Variants in RGSL1 observed in about 807,000 individuals in gnomAD.
The protein encoded by RGSL1 is regulator of G protein signaling protein-like.
Under a neutral mutation model 124.7 loss-of-function variants are expected in RGSL1, and 97 were observed. That is an observed-to-expected ratio of 0.78 (90% CI 0.66 to 0.92). RGSL1 has a LOEUF of 0.92. Ranked by LOEUF, RGSL1 falls within the 40% of genes least tolerant of loss-of-function variation. RGSL1 has a pLI of 0.00. For missense variants in RGSL1, 1,233 were observed against 1,288.4 expected (o/e 0.96, Z 0.66); for synonymous variants, 424 against 438.1 (o/e 0.97, Z 0.40).
chr1:182,513,899 T>TC (rs1657659987), intron 9 of RGSL1, among the ~76,000 whole-genome samples: 1 of 136,934 alleles, frequency 7.3e-6, no homozygotes, highest in Non-Finnish European at 1.5e-5. Flanking sequence ...CTCCCTATCT[T>TC]TTTTTTTTTT....
chr1:182,540,898 C>G (rs1659849838), intron 15 of RGSL1, among the ~76,000 whole-genome samples: 1 of 152,102 alleles, frequency 6.6e-6, no homozygotes, highest in Non-Finnish European at 1.5e-5. Flanking sequence ...CAAAGTCAAT[C>G]CACAATGGGA....
chr1:182,460,807 G>C (rs180737628), intron 4 of RGSL1: 2 of 442,160 alleles, frequency 4.5e-6, no homozygotes, highest in Non-Finnish European at 9.1e-6. Flanking sequence ...TGTTTGGGGG[G>C]AAACTTTAGA....
chr1:182,518,007 G>GT lies in RGSL1; in HGVS notation c.1826-3993dup, dbSNP rs551285682. Among the ~76,000 whole-genome samples, 460 of 152,088 alleles carry GT rather than the reference G, an allele frequency of 3.0e-3. 6 individuals carry two copies. The highest frequency in any genetic ancestry group is 0.027 in the Admixed American group (419 of 15,258). On this transcript the variant is annotated intron_variant, in intron 9 of 21. Coordinates refer to ENST00000294854, the MANE Select transcript of RGSL1 (RefSeq NM_001137669.2). ...CAGTCTTCTCTGTCTGGCTTGTTTT[G>GT]TTTTATATTGAATATATTTGCTTAG...
chr1:182,471,006 T>C (rs532220367), intron 4 of RGSL1, among the ~76,000 whole-genome samples: 1 of 152,312 alleles, frequency 6.6e-6, no homozygotes, highest in South Asian at 2.1e-4. Context: ...GCAAAGTCCC[T>C]GTCAGGTTGA....
At chr1:182,467,950 C>T (rs983240285) in intron 4 of RGSL1, among the ~76,000 whole-genome samples, 1 of 152,022 alleles carries the variant, frequency 6.6e-6, no homozygotes, top group Non-Finnish European at 1.5e-5. Flanking sequence ...ATCAACAAGT[C>T]GGCAAAGGCT....
intron 6 of RGSL1, among the ~76,000 whole-genome samples, chr1:182,477,113 G>C (rs956417675): frequency 1.3e-5 from 2 of 152,184 alleles, no homozygotes; most frequent in Non-Finnish European, 2.9e-5. Context: ...AGTGCCTTTT[G>C]ATGAGCTTTG....
At chr1:182,534,473 T>G (rs1202460497) in intron 14 of RGSL1, among the ~76,000 whole-genome samples, 1 of 152,216 alleles carries the variant, frequency 6.6e-6, no homozygotes, top group Non-Finnish European at 1.5e-5. Context: ...TATTTTAATT[T>G]GAAAAAAGTT....
intron 9 of RGSL1, among the ~76,000 whole-genome samples, chr1:182,502,518 G>A (rs1187145377): frequency 6.6e-6 from 1 of 152,186 alleles, no homozygotes; most frequent in Non-Finnish European, 1.5e-5. Context: ...TGAGGCTGCA[G>A]TGACCTATGA....
At chr1:182,477,542 G>T (rs1170177293) in intron 6 of RGSL1, among the ~76,000 whole-genome samples, 1 of 152,146 alleles carries the variant, frequency 6.6e-6, no homozygotes, top group Non-Finnish European at 1.5e-5. Flanking sequence ...GTCCACCCAT[G>T]GACCTAGAGA....
chr1:182,509,699 G>A (rs539242642), intron 9 of RGSL1, among the ~76,000 whole-genome samples: 29 of 139,494 alleles, frequency 2.1e-4, no homozygotes, highest in South Asian at 6.9e-4. Context: ...CGGACGGCAC[G>A]GCTGGCCGGG....
chr1:182,462,107 C>G (rs1184016959), intron 4 of RGSL1, among the ~76,000 whole-genome samples: 1 of 151,848 alleles, frequency 6.6e-6, no homozygotes, highest in Admixed American at 6.6e-5. Context: ...ATGTTGAAAA[C>G]AGTAAGAGAG....
In RGSL1 at chr1:182,548,791, C is replaced by G. The variant is rs548517851; in HGVS notation, c.2900C>G (p.Ser967Cys). ...AGCGTCTTCCATGGGGCTATCATGTCTGTCTTCCCCGTTGTTATGTACTTC... is the reference window on the plus strand; with the variant it reads ...AGCGTCTTCCATGGGGCTATCATGTGTGTCTTCCCCGTTGTTATGTACTTC... ...DRSVFHGAIM[S>C]VFPVVMYFWK... Residue 967 changes from serine to cysteine, a missense_variant, in exon 17 of 22, where the codon TCT (serine) becomes TGT (cysteine). Physicochemically the swap from Ser to Cys is moderately radical, Grantham distance 112. Transcript: ENST00000294854. The G allele has an allele frequency of 5.2e-6, 8 of 1,551,666 alleles. No homozygotes were observed. The South Asian group carries it at 9.5e-5, about 18-fold the overall frequency.
intron 16 of RGSL1, 36 bp from the exon 17 acceptor site, chr1:182,548,664 G>A (rs1009587752): frequency 1.3e-6 from 2 of 1,549,708 alleles, no homozygotes; most frequent in Non-Finnish European, 1.7e-6. Flanking sequence ...TTCCCGTGGA[G>A]CCTCTGCCAG....
chr1:182,532,392 T>G lies in RGSL1; in HGVS notation c.2365-270T>G, dbSNP rs116711467. 3.4e-3 allele frequency among the ~76,000 whole-genome samples: 516 copies of G among 152,300 alleles called. 9 individuals carry two copies. Among genetic ancestry groups the G allele is most frequent in the African/African-American group, 0.012 (500 of 41,568 alleles). Reference sequence around the variant, plus strand: ...CAATCACGGCATCTCACATCTTCACTGTTGAAAGGCTTTGGTAGAAGGAGC... The same window carrying G: ...CAATCACGGCATCTCACATCTTCACGGTTGAAAGGCTTTGGTAGAAGGAGC... On this transcript the variant is annotated intron_variant, in intron 13 of 21. Coordinates refer to ENST00000294854, the MANE Select transcript of RGSL1 (RefSeq NM_001137669.2).
At chr1:182,455,172 G>C (rs944331749) in intron 2 of RGSL1, among the ~76,000 whole-genome samples, 2 of 152,168 alleles carry the variant, frequency 1.3e-5, no homozygotes, top group Admixed American at 1.3e-4. Context: ...ATGAGACAGA[G>C]AGATCATCCC....
At chr1:182,491,927 A>G (rs144673790) in intron 8 of RGSL1, among the ~76,000 whole-genome samples, 2 of 152,272 alleles carry the variant, frequency 1.3e-5, no homozygotes, top group African/African-American at 2.4e-5. Context: ...ATCTCTTGCT[A>G]TCTCAGCCTC....
Position 182,488,327 on chromosome 1 carries a change from T to A in RGSL1, c.1474T>A (p.Tyr492Asn). The change falls in exon 7 of 22, where the codon TAC (tyrosine) becomes AAC (asparagine). Residue 492 changes from tyrosine to asparagine, a missense_variant. Tyr to Asn is a moderately radical substitution (Grantham distance 143). Transcript: ENST00000294854. ...WYDEFLDEED[Y>N]WFLLFTTQNR... is the part of the protein sequence containing the mutation. Reference sequence around the variant, plus strand: ...TGATGAGTTTCTAGATGAAGAGGACTACTGGTTTCTCCTTTTTACGGTAGG... The same window carrying A: ...TGATGAGTTTCTAGATGAAGAGGACAACTGGTTTCTCCTTTTTACGGTAGG... 3 of 1,552,382 alleles carry A rather than the reference T, an allele frequency of 1.9e-6. No individual in the cohort carries two copies. The highest frequency in any genetic ancestry group is 2.6e-6 in the Non-Finnish European group (3 of 1,147,142).
At chr1:182,465,633 A>C (rs1653250486) in intron 4 of RGSL1, among the ~76,000 whole-genome samples, 1 of 152,198 alleles carries the variant, frequency 6.6e-6, no homozygotes, top group Non-Finnish European at 1.5e-5. Flanking sequence ...AAATCTGAGT[A>C]GACCTATAAC....
intron 4 of RGSL1, among the ~76,000 whole-genome samples, chr1:182,468,510 C>T (rs796320838): frequency 8.5e-5 from 13 of 152,072 alleles, no homozygotes; most frequent in South Asian, 2.1e-4. Flanking sequence ...AGCAAACTAT[C>T]GCAAGGACAA....
Sources: gnomAD v4.1 joint callset for allele counts (sites outside exome capture counted in the v4.1 genomes callset) on GRCh38, gnomAD v4.1.1 for gene constraint, MANE v1.5 for transcripts, NCBI Gene and HGNC (gene_info 2026-07-23, HGNC 2026-07-21) for gene names.